The following ARHGEF4 variants were observed in gnomAD, a reference collection of about 807,000 sequenced individuals.
ARHGEF4 encodes APC-stimulated guanine nucleotide exchange factor 1.
Under a neutral mutation model 162.0 loss-of-function variants are expected in ARHGEF4, and 119 were observed. The observed-to-expected ratio is 0.73, with a 90% CI of 0.63 to 0.86. The LOEUF is 0.86. ARHGEF4 is among the 40% of genes least tolerant of loss of function. The pLI is 0.00. For synonymous variants in ARHGEF4, 1,014 were observed against 979.9 expected (o/e 1.03, Z -0.65); for missense variants, 2,488 against 2,456.0 (o/e 1.01, Z -0.28).
At chr2:131,023,618 G>C (rs1689288347) in intron 4 of ARHGEF4, among the ~76,000 whole-genome samples, 1 of 152,180 alleles carries the variant, frequency 6.6e-6, no homozygotes, top group Non-Finnish European at 1.5e-5. Context: ...AAATGCTGCT[G>C]AAGATTCAGA....
intron 2 of ARHGEF4, among the ~76,000 whole-genome samples, chr2:130,917,794 A>AATTTC (rs1553513374): frequency 1.3e-5 from 2 of 149,410 alleles, no homozygotes; most frequent in African/African-American, 4.9e-5. Flanking sequence ...GGCACTGCCC[A>AATTTC]TTTTCTTTTC....
Position 130,921,196 on chromosome 2 carries a change from G to C in ARHGEF4, c.3552+3698G>C, listed in dbSNP as rs947109685. 3.9e-5 allele frequency among the ~76,000 whole-genome samples: 6 copies of C among 152,310 alleles called. No homozygotes were observed. The East Asian group carries it at 1.2e-3, about 29-fold the overall frequency. Reference sequence around the variant, plus strand: ...GTCTATTTTGTGTCTGCCTTCCCCTGCTCTAATTAAGAATCATCCTGTGGA... The same window carrying C: ...GTCTATTTTGTGTCTGCCTTCCCCTCCTCTAATTAAGAATCATCCTGTGGA... On this transcript the variant is annotated intron_variant, in intron 2 of 13. Coordinates refer to ENST00000409359, the MANE Select transcript of ARHGEF4 (RefSeq NM_001367493.1).
At position 130,976,643 on chromosome 2, in the gene ARHGEF4, C is replaced by T. The variant is rs187411721; in HGVS notation, c.3985+30008C>T. ...CTCCACGAAATTTCAGAAATAAATA[C>T]GAGTCCTAAAATCTCAACCAAAAAC... On this transcript the variant is annotated intron_variant, in intron 4 of 13. Coordinates refer to ENST00000409359, the MANE Select transcript of ARHGEF4 (RefSeq NM_001367493.1). Among the ~76,000 whole-genome samples the T allele has an allele frequency of 8.0e-4, 122 of 152,210 alleles. 1 individual carries two copies. In the East Asian group the frequency reaches 0.01, roughly 13 times the overall value.
intron 4 of ARHGEF4, among the ~76,000 whole-genome samples, chr2:130,956,648 T>G (rs1199656562): frequency 1.3e-5 from 2 of 151,678 alleles, no homozygotes; most frequent in Non-Finnish European, 2.9e-5. Flanking sequence ...CCATAAAAAA[T>G]GATGAGTTCA....
intron 4 of ARHGEF4, among the ~76,000 whole-genome samples, chr2:130,988,937 A>AGAGAGAGAG (rs1553437079): frequency 9.6e-5 from 10 of 104,614 alleles, no homozygotes; most frequent in African/African-American, 1.6e-4. Flanking sequence ...GAGAGAGAGA[A>AGAGAGAGAG]AGATTCCAAA....
intron 1 of ARHGEF4, among the ~76,000 whole-genome samples, chr2:130,843,834 CAG>C (rs1427086740): frequency 1.3e-5 from 2 of 152,184 alleles, no homozygotes; most frequent in Non-Finnish European, 2.9e-5. Flanking sequence ...GTGGCCAGGT[CAG>C]AGCCCCAGGG....
chr2:130,854,446 C>A (rs1681618294), intron 1 of ARHGEF4, among the ~76,000 whole-genome samples: 1 of 152,226 alleles, frequency 6.6e-6, no homozygotes, highest in African/African-American at 2.4e-5. Context: ...GGCTGTCACT[C>A]CTGTCCTCTG....
intron 1 of ARHGEF4, among the ~76,000 whole-genome samples, chr2:130,855,088 G>A (rs2104895886): frequency 6.6e-6 from 1 of 151,824 alleles, no homozygotes; most frequent in Non-Finnish European, 1.5e-5. Flanking sequence ...CCATTCATAG[G>A]ATGGCCTCAA....
chr2:131,012,406 G>A (rs1405263564), intron 4 of ARHGEF4, among the ~76,000 whole-genome samples: 3 of 152,188 alleles, frequency 2.0e-5, no homozygotes, highest in Non-Finnish European at 4.4e-5. Context: ...TGACTACAGT[G>A]CAGAAATGTG....
chr2:131,039,083 C>A, intron 6 of ARHGEF4, 51 bp downstream of exon 6: 1 of 1,537,478 alleles, frequency 6.5e-7, no homozygotes, highest in Non-Finnish European at 8.7e-7. Flanking sequence ...AAAAAGCTAC[C>A]TGGTTCTGCA....
At position 130,916,921 on chromosome 2, in the gene ARHGEF4, C is replaced by T. The variant is rs994418056; in HGVS notation, c.2975C>T (p.Ala992Val). The T allele has an allele frequency of 2.6e-6, 4 of 1,550,472 alleles. No homozygotes were observed. Among genetic ancestry groups the T allele is most frequent in the South Asian group, 1.2e-5 (1 of 84,064 alleles). Residue 992 changes from alanine to valine, a missense_variant, in exon 2 of 14, where the codon GCG (alanine) becomes GTG (valine). Physicochemically the swap from Ala to Val is moderately conservative, Grantham distance 64. Around this residue, in one of 6 missense-constraint regions of ARHGEF4, gnomAD observed 1,642 missense variants for 1,481.5 expected, o/e 1.11. Coordinates refer to ENST00000409359, the MANE Select transcript of ARHGEF4 (RefSeq NM_001367493.1). ...AETDSHCEER[A>V]EDKEGYVFSD... ...ACCGACAGCCACTGTGAGGAACGGG[C>T]GGAGGACAAAGAGGGCTATGTTTTT...
intron 5 of ARHGEF4, chr2:131,035,242 T>C: frequency 8.2e-7 from 1 of 1,223,850 alleles, no homozygotes; most frequent in Non-Finnish European, 1.0e-6. Flanking sequence ...CGTACTGATC[T>C]TCCTGCTGGC....
intron 4 of ARHGEF4, among the ~76,000 whole-genome samples, chr2:130,990,099 C>G (rs1302848495): frequency 6.6e-6 from 1 of 152,184 alleles, no homozygotes; most frequent in African/African-American, 2.4e-5. Flanking sequence ...GTAATGATCC[C>G]TGGATAGTAA....
chr2:130,902,092 G>A (rs944586872), intron 1 of ARHGEF4, among the ~76,000 whole-genome samples: 1 of 152,126 alleles, frequency 6.6e-6, no homozygotes, highest in African/African-American at 2.4e-5. Context: ...CATGCGGCCT[G>A]GTGTGTCCCT....
In ARHGEF4 at chr2:130,933,965, T is replaced by C. The variant is rs182132977; in HGVS notation, c.3858+2708T>C. 2.6e-5 allele frequency among the ~76,000 whole-genome samples: 4 copies of C among 151,592 alleles called. No individual in the cohort carries two copies. In the East Asian group the frequency reaches 7.7e-4, roughly 29 times the overall value. On this transcript the variant is annotated intron_variant, in intron 3 of 13. Transcript: ENST00000409359. Reference sequence around the variant, plus strand: ...CTGGGTAGAACTTACATAACAATGTTGAGCAGAAGTGGTGAAATGGGGTGT... The same window carrying C: ...CTGGGTAGAACTTACATAACAATGTCGAGCAGAAGTGGTGAAATGGGGTGT...
chr2:131,033,995 G>A (rs1690046865), intron 5 of ARHGEF4, among the ~76,000 whole-genome samples: 1 of 152,144 alleles, frequency 6.6e-6, no homozygotes, highest in Non-Finnish European at 1.5e-5. Flanking sequence ...GTACACACAT[G>A]CACACACATG....
chr2:131,047,183 T>C lies in ARHGEF4; in HGVS notation c.*994T>C, dbSNP rs1016765488. The C allele has an allele frequency of 6.6e-6, 1 of 152,236 alleles. No individual in the cohort carries two copies. Among genetic ancestry groups the C allele is most frequent in the African/African-American group, 2.4e-5 (1 of 41,456 alleles). 9.4% of individuals were successfully genotyped at this position (152,236 alleles called of 1,614,324 possible). On this transcript the variant is annotated 3_prime_UTR_variant, in exon 14 of 14. Transcript: ENST00000409359. ...CCACAGGATTCAGCAGCATGGACAG[T>C]CACTCTTGCACTATTCCTTCTCCAA...
intron 1 of ARHGEF4, among the ~76,000 whole-genome samples, chr2:130,905,985 C>A (rs1254811889): frequency 6.6e-6 from 1 of 152,196 alleles, no homozygotes; most frequent in Non-Finnish European, 1.5e-5. Context: ...TTACTTTATT[C>A]TTTGGATTAT....
At position 130,915,195 on chromosome 2, in the gene ARHGEF4, G is replaced by A. The variant is rs1338452302; in HGVS notation, c.1249G>A (p.Asp417Asn). 6.4e-7 allele frequency: 1 copy of A among 1,550,590 alleles called. No individual in the cohort carries two copies. Among genetic ancestry groups the A allele is most frequent in the Non-Finnish European group, 8.7e-7 (1 of 1,147,006 alleles). ...GGFRLQRASQ[D>N]TPSAGLLGEN... is the part of the protein sequence containing the mutation. ...GTTTCGCTTGCAAAGGGCCTCTCAG[G>A]ACACTCCTTCTGCAGGTCTCCTGGG... The change falls in exon 2 of 14, where the codon GAC (aspartate) becomes AAC (asparagine). Residue 417 changes from aspartate to asparagine, a missense_variant. This residue lies in a region of ARHGEF4 where 1,642 missense variants were observed against 1,481.5 expected (regional missense o/e 1.11). Coordinates refer to ENST00000409359, the MANE Select transcript of ARHGEF4 (RefSeq NM_001367493.1).
Sources: gnomAD v4.1 joint callset for allele counts (sites outside exome capture counted in the v4.1 genomes callset) on GRCh38, gnomAD v4.1.1 for gene constraint, gnomAD v4.1.1 regional missense constraint, MANE v1.5 for transcripts, NCBI Gene and HGNC (gene_info 2026-07-23, HGNC 2026-07-21) for gene names.